OR4D1: variants seen among roughly 807,000 people sequenced by gnomAD.
OR4D1 encodes the protein olfactory receptor family 4 subfamily D member 1.
Under a neutral mutation model 14.2 loss-of-function variants are expected in OR4D1, and 10 were observed. The observed-to-expected ratio is 0.71, with a 90% CI of 0.44 to 1.20. OR4D1 has a LOEUF of 1.20. Among genes scored for constraint, OR4D1 ranks in the 50% most tolerant of loss-of-function variants. The probability of loss-of-function intolerance (pLI) is 0.00; values close to 1 mark genes in which losing one functional copy is unlikely to be tolerated. For missense variants in OR4D1, 345 were observed against 376.6 expected (o/e 0.92, Z 0.70); for synonymous variants, 141 against 147.4 (o/e 0.96, Z 0.32).
In OR4D1 at chr17:58,157,453, G is replaced by C; in HGVS notation, c.*1367G>C. On this transcript the variant is annotated 3_prime_UTR_variant, in exon 4 of 4. Coordinates refer to ENST00000268912, the MANE Select transcript of OR4D1 (RefSeq NM_001386095.1). ...CGAAGCCGCGCACAGCCTTTACCAC[G>C]TCCCAGCTCCTCGCTCTGGAGGGCA... 1 of 1,103,410 alleles carries C rather than the reference G, an allele frequency of 9.1e-7. No individual in the cohort carries two copies. Among genetic ancestry groups the C allele is most frequent in the Non-Finnish European group, 1.4e-6 (1 of 724,426 alleles). 68.4% of individuals were successfully genotyped at this position (1,103,410 alleles called of 1,614,324 possible).
chr17:58,151,550 G>C (rs955479468), intron 2 of OR4D1, among the ~76,000 whole-genome samples: 2 of 152,164 alleles, frequency 1.3e-5, no homozygotes, highest in African/African-American at 4.8e-5. Flanking sequence ...GTTTGCTGAG[G>C]ATAATGGCTT....
In OR4D1 at chr17:58,151,109, T is replaced by C. The variant is rs181207353; in HGVS notation, c.-127+1313T>C. On this transcript the variant is annotated intron_variant, in intron 2 of 3. Coordinates refer to ENST00000268912, the MANE Select transcript of OR4D1 (RefSeq NM_001386095.1). ...ATTTTGGTTTTCCATGTCCATTTTTTCCCTTTATATTTATACTATAGTTTA... is the reference window on the plus strand; with the variant it reads ...ATTTTGGTTTTCCATGTCCATTTTTCCCCTTTATATTTATACTATAGTTTA... Among the ~76,000 whole-genome samples the C allele has an allele frequency of 1.1e-4, 17 of 152,320 alleles. No individual in the cohort carries two copies. The East Asian group carries it at 2.9e-3, about 26-fold the overall frequency.
chr17:58,157,612 A>G lies in OR4D1; in HGVS notation c.*1526A>G. ...AGACGAAAAGACTGCAGGAGTCAGA[A>G]CTGGAAAAGCTGAAAATGGCTGCAA... On this transcript the variant is annotated 3_prime_UTR_variant, in exon 4 of 4. Coordinates refer to ENST00000268912, the MANE Select transcript of OR4D1 (RefSeq NM_001386095.1). 1 of 1,613,764 alleles carries G rather than the reference A, an allele frequency of 6.2e-7. No individual in the cohort carries two copies. The highest frequency in any genetic ancestry group is 1.3e-5 in the African/African-American group (1 of 75,048).
At position 58,157,335 on chromosome 17, in the gene OR4D1, A is replaced by G; in HGVS notation, c.*1249A>G. 1 of 1,473,728 alleles carries G rather than the reference A, an allele frequency of 6.8e-7. No individual in the cohort carries two copies. Among genetic ancestry groups the G allele is most frequent in the Non-Finnish European group, 9.2e-7 (1 of 1,089,130 alleles). The allele number at this position is 1,473,728 out of a possible 1,614,324, so 91.3% of individuals were successfully genotyped here. A position where few individuals can be genotyped will look rare whatever the true frequency, so the allele number is the denominator to read the frequency against. On this transcript the variant is annotated 3_prime_UTR_variant, in exon 4 of 4. Transcript: ENST00000268912. ...CAAGTGGGAAAACTCCCTAAGACGG[A>G]GCGGCGTGGATGCAGGAACCCTGCT...
At chr17:58,152,670 C>G (rs1967715810) in intron 2 of OR4D1, among the ~76,000 whole-genome samples, 1 of 152,178 alleles carries the variant, frequency 6.6e-6, no homozygotes, top group African/African-American at 2.4e-5. Flanking sequence ...TGCAGTGGCT[C>G]ACACCTGTGA....
Position 58,159,557 on chromosome 17 carries a change from C to T in OR4D1, c.*3471C>T, listed in dbSNP as rs1967824385. On this transcript the variant is annotated 3_prime_UTR_variant, in exon 4 of 4. Transcript: ENST00000268912. Reference sequence around the variant, plus strand: ...TTGGACTGTCCAGCCTCCAGAACTGCAAAAGAATAAATTTCTGTTCTTTAC... The same window carrying T: ...TTGGACTGTCCAGCCTCCAGAACTGTAAAAGAATAAATTTCTGTTCTTTAC... 1 of 152,290 alleles carries T rather than the reference C, an allele frequency of 6.6e-6. No homozygotes were observed. The highest frequency in any genetic ancestry group is 6.5e-5 in the Admixed American group (1 of 15,288). The allele number at this position is 152,290 out of a possible 1,614,324, so 9.4% of individuals were successfully genotyped here.
At position 58,155,849 on chromosome 17, in the gene OR4D1, A is replaced by C. The variant is rs756860725; in HGVS notation, c.696A>C (p.Ala232=). 1 of 1,614,154 alleles carries C rather than the reference A, an allele frequency of 6.2e-7. No homozygotes were observed. Among genetic ancestry groups the C allele is most frequent in the South Asian group, 1.1e-5 (1 of 91,082 alleles). ...TGCTGAGGTCCCACTCGGGAAAGGCAAGGAGGAAGGCAGCTTCCACCTGCA... is the reference window on the plus strand; with the variant it reads ...TGCTGAGGTCCCACTCGGGAAAGGCCAGGAGGAAGGCAGCTTCCACCTGCA... The part of the protein sequence containing the change: ...LVMLRSHSGK[A]RRKAASTCTT... The change falls in exon 4 of 4, where the codon GCA becomes GCC. Residue 232 remains alanine, a synonymous_variant. Coordinates refer to ENST00000268912, the MANE Select transcript of OR4D1 (RefSeq NM_001386095.1).
Position 58,156,933 on chromosome 17 carries a change from C to A in OR4D1, c.*847C>A. ...GAATTTAGAAAGTTATCTCGCCCTC[C>A]CTCCTCCCCCACAAAAAAAGTTTGA... On this transcript the variant is annotated 3_prime_UTR_variant, in exon 4 of 4. Transcript: ENST00000268912. The A allele has an allele frequency of 1.6e-6, 1 of 638,884 alleles. No homozygotes were observed. Among genetic ancestry groups the A allele is most frequent in the Non-Finnish European group, 2.8e-6 (1 of 351,714 alleles). The allele number at this position is 638,884 out of a possible 1,614,324, so 39.6% of individuals were successfully genotyped here.
rs1199894718 is a variant in OR4D1 at position 58,158,690 on chromosome 17, C to T, written c.*2604C>T. 2 of 152,008 alleles carry T rather than the reference C, an allele frequency of 1.3e-5. No homozygotes were observed. Among genetic ancestry groups the T allele is most frequent in the African/African-American group, 2.4e-5 (1 of 41,346 alleles). The allele number at this position is 152,008 out of a possible 1,614,324, so 9.4% of individuals were successfully genotyped here. A position where few individuals can be genotyped will look rare whatever the true frequency, so the allele number is the denominator to read the frequency against. The stretch of plus-strand genomic sequence containing the variant: ...CTGAGAAATACTAGGTACTTTCATC[C>T]TCACAGATTGCAAAGATTATTTGGG... On this transcript the variant is annotated 3_prime_UTR_variant, in exon 4 of 4. Coordinates refer to ENST00000268912, the MANE Select transcript of OR4D1 (RefSeq NM_001386095.1).
intron 2 of OR4D1, among the ~76,000 whole-genome samples, 161 bp from the exon 3 acceptor site, chr17:58,153,692 ATTTT>A (rs1163349763): frequency 6.6e-6 from 1 of 152,294 alleles, no homozygotes; most frequent in East Asian, 1.9e-4. Context: ...CTTGGGACAA[ATTTT>A]TCTGAACAAT....
At chr17:58,151,739 T>C (rs1004298653) in intron 2 of OR4D1, among the ~76,000 whole-genome samples, 4 of 152,252 alleles carry the variant, frequency 2.6e-5, no homozygotes, top group Non-Finnish European at 2.9e-5. Flanking sequence ...TAGTATTTCA[T>C]CCCATGGAGG....
Position 58,155,952 on chromosome 17 carries a change from A to T in OR4D1, c.799A>T (p.Met267Leu). The change falls in exon 4 of 4, where the codon ATG becomes TTG. Residue 267 changes from methionine to leucine, a missense_variant. Coordinates refer to ENST00000268912, the MANE Select transcript of OR4D1 (RefSeq NM_001386095.1). ...IYTWPFTPFLMDKAVSISYTV... is the reference protein window; with the variant it reads ...IYTWPFTPFLLDKAVSISYTV... The stretch of plus-strand genomic sequence containing the variant: ...TACCTGGCCCTTCACCCCATTCCTC[A>T]TGGACAAGGCTGTGTCCATCAGCTA... The T allele has an allele frequency of 6.2e-7, 1 of 1,613,302 alleles. No individual in the cohort carries two copies. The highest frequency in any genetic ancestry group is 8.5e-7 in the Non-Finnish European group (1 of 1,179,508).
At chr17:58,152,695 G>T (rs989968629) in intron 2 of OR4D1, among the ~76,000 whole-genome samples, 1 of 152,218 alleles carries the variant, frequency 6.6e-6, no homozygotes, top group Non-Finnish European at 1.5e-5. Flanking sequence ...AGCACTTTGG[G>T]AGGCAGAAGC....
rs1967751735 is a variant in OR4D1, at chr17:58,155,244, T to G, written c.91T>G (p.Phe31Val). ...QELQKFLFLL[F>V]LLVYVTTIVG... ...GCTCCAGAAATTCCTGTTCCTTCTG[T>G]TCCTGTTAGTCTATGTTACCACCAT... is the stretch of plus-strand genomic sequence containing the variant. Residue 31 changes from phenylalanine (F) to valine (V), a missense_variant, in exon 4 of 4, where the codon TTC becomes GTC. Transcript: ENST00000268912. 1 of 1,614,166 alleles carries G rather than the reference T, an allele frequency of 6.2e-7. No homozygotes were observed. The highest frequency in any genetic ancestry group is 1.7e-5 in the Admixed American group (1 of 60,028).
At chr17:58,153,637 G>A (rs1967729126) in intron 2 of OR4D1, among the ~76,000 whole-genome samples, 2 of 152,066 alleles carry the variant, frequency 1.3e-5, no homozygotes, top group African/African-American at 4.8e-5. Flanking sequence ...TGGGAATCAG[G>A]GAAAATAGAC....
chr17:58,154,602 C>T (rs1295914081), intron 3 of OR4D1, among the ~76,000 whole-genome samples: 2 of 152,188 alleles, frequency 1.3e-5, no homozygotes, highest in East Asian at 3.8e-4. Context: ...TTGTACATAA[C>T]AATTTTCTTC....
At position 58,157,243 on chromosome 17, in the gene OR4D1, C is replaced by A; in HGVS notation, c.*1157C>A. 1 of 1,465,502 alleles carries A rather than the reference C, an allele frequency of 6.8e-7. No homozygotes were observed. Among genetic ancestry groups the A allele is most frequent in the South Asian group, 1.4e-5 (1 of 69,908 alleles). 90.8% of individuals were successfully genotyped at this position (1,465,502 alleles called of 1,614,324 possible). ...GCCACCCTGCGGCTACTGCTGCTGC[C>A]GGGGCACGGCGCTCGGGAAGCGCAC... On this transcript the variant is annotated 3_prime_UTR_variant, in exon 4 of 4. Transcript: ENST00000268912.
intron 2 of OR4D1, among the ~76,000 whole-genome samples, chr17:58,153,410 C>T (rs902120542): frequency 2.6e-5 from 4 of 152,172 alleles, no homozygotes; most frequent in African/African-American, 9.7e-5. Context: ...AGCACATCTT[C>T]CTGGAATATC....
In OR4D1 at chr17:58,155,936, C is replaced by G; in HGVS notation, c.783C>G (p.Pro261=). The change falls in exon 4 of 4, where the codon CCC becomes CCG. Residue 261 remains proline (P), a synonymous_variant. Transcript: ENST00000268912. ...FIPCIYIYTW[P]FTPFLMDKAV... is the part of the protein sequence containing the mutation. ...CCTGTATCTATATCTATACCTGGCC[C>G]TTCACCCCATTCCTCATGGACAAGG... The G allele has an allele frequency of 6.2e-7, 1 of 1,614,130 alleles. No individual in the cohort carries two copies. Among genetic ancestry groups the G allele is most frequent in the East Asian group, 2.2e-5 (1 of 44,878 alleles).
Sources: gnomAD v4.1 joint callset for allele counts (sites outside exome capture counted in the v4.1 genomes callset) on GRCh38, gnomAD v4.1.1 for gene constraint, MANE v1.5 for transcripts, NCBI Gene and HGNC (gene_info 2026-07-23, HGNC 2026-07-21) for gene names.